Variants in RASSF3 observed in about 807,000 individuals in gnomAD.
The protein encoded by RASSF3 is Ras association domain family member 3.
RASSF3 carries 19 observed loss-of-function variants against 19.9 expected under a neutral mutation model. That is an observed-to-expected ratio of 0.96 (90% CI 0.67 to 1.40). The LOEUF (loss-of-function observed/expected upper bound fraction) is 1.40. RASSF3 is among the 40% of genes most tolerant of loss of function. RASSF3 has a pLI of 0.00. For synonymous variants in RASSF3, 110 were observed against 104.2 expected, an observed-to-expected ratio of 1.06 and a Z score of -0.34; for missense variants, 306 against 289.8, an observed-to-expected ratio of 1.06 and a Z score of -0.41.
chr12:64,645,641 C>G (rs1201504049), intron 1 of RASSF3, among the ~76,000 whole-genome samples: 3 of 151,790 alleles, frequency 2.0e-5, no homozygotes, highest in Non-Finnish European at 4.4e-5. Flanking sequence ...TCTTCCCATC[C>G]TTACCAAAAA....
chr12:64,617,426 T>G (rs572412411), intron 1 of RASSF3, among the ~76,000 whole-genome samples: 1 of 152,362 alleles, frequency 6.6e-6, no homozygotes, highest in African/African-American at 2.4e-5. Context: ...TTTAAAAAGC[T>G]TACCCAATAG....
chr12:64,688,729 G>A (rs367591850), intron 3 of RASSF3, among the ~76,000 whole-genome samples: 3 of 152,084 alleles, frequency 2.0e-5, no homozygotes, highest in Non-Finnish European at 4.4e-5. Flanking sequence ...TGGGGCGGGG[G>A]CTGTTTTTGG....
Position 64,610,750 on chromosome 12 carries a change from G to T in RASSF3, c.111+7G>T, listed in dbSNP as rs1870322684. The T allele has an allele frequency of 1.3e-6, 2 of 1,567,424 alleles. No individual in the cohort carries two copies. The highest frequency in any genetic ancestry group is 4.9e-5 in the East Asian group (2 of 40,840). On this transcript the variant is annotated splice_region_variant and intron_variant, in intron 1 of 4. Transcript: ENST00000542104. ...GCCCCGCTCCGGCCAACAAGTGAGTGGCGCGCGGCGGGCGCTGCAGCCCGC... is the reference window on the plus strand; with the variant it reads ...GCCCCGCTCCGGCCAACAAGTGAGTTGCGCGCGGCGGGCGCTGCAGCCCGC...
chr12:64,602,985 G>A (rs1214932407), intron 2 of RASSF3, among the ~76,000 whole-genome samples: 1 of 152,108 alleles, frequency 6.6e-6, no homozygotes, highest in Non-Finnish European at 1.5e-5. Flanking sequence ...TGTAATCCCA[G>A]CTACTTGGGA....
At chr12:64,663,377 T>A (rs12314167) in intron 1 of RASSF3, among the ~76,000 whole-genome samples, 7,743 of 152,168 alleles carry the variant, frequency 0.051, 679 homozygotes, top group African/African-American at 0.18. Flanking sequence ...TGGTGCATGC[T>A]AATTGATGGG....
intron 1 of RASSF3, among the ~76,000 whole-genome samples, 185 bp downstream of exon 1, chr12:64,610,928 G>A (rs1454162233): frequency 2.6e-5 from 4 of 152,176 alleles, no homozygotes; most frequent in Non-Finnish European, 4.4e-5. Context: ...GCTTGTGCGT[G>A]TAGGCGAGGG....
chr12:64,607,692 T>A (rs1286334691), upstream of RASSF3, among the ~76,000 whole-genome samples: 3 of 152,060 alleles, frequency 2.0e-5, no homozygotes, highest in Non-Finnish European at 2.9e-5. Flanking sequence ...TTATTTATGT[T>A]TTTTTTGTTG....
intron 2 of RASSF3, among the ~76,000 whole-genome samples, chr12:64,578,259 G>C (rs1360892702): frequency 6.6e-6 from 1 of 151,932 alleles, no homozygotes; most frequent in Non-Finnish European, 1.5e-5. Context: ...ATTTACTGAG[G>C]GTTTACAATG....
In RASSF3 at chr12:64,696,374, A is replaced by G. The variant is rs201962598; in HGVS notation, c.*1462A>G. The G allele has an allele frequency of 2.6e-5, 4 of 152,310 alleles. No individual in the cohort carries two copies. The East Asian group carries it at 7.7e-4, about 29-fold the overall frequency. The allele number at this position is 152,310 out of a possible 1,614,324, so 9.4% of individuals were successfully genotyped here. A position where few individuals can be genotyped will look rare whatever the true frequency, so the allele number is the denominator to read the frequency against. Reference sequence around the variant, plus strand: ...TTACCAACCAAAGAGATGCATGTGCAATAGAAGCCTTCCTTAAAAACAGGC... The same window carrying G: ...TTACCAACCAAAGAGATGCATGTGCGATAGAAGCCTTCCTTAAAAACAGGC... On this transcript the variant is annotated 3_prime_UTR_variant, in exon 5 of 5. Coordinates refer to ENST00000542104, the MANE Select transcript of RASSF3 (RefSeq NM_178169.4).
rs549960241 is a variant in RASSF3 at position 64,603,843 on chromosome 12, C to CT, written c.294+62148dup. Among the ~76,000 whole-genome samples the CT allele has an allele frequency of 2.1e-4, 31 of 149,328 alleles. No individual in the cohort carries two copies. The South Asian group carries it at 2.1e-3, about 10-fold the overall frequency. On this transcript the variant is annotated intron_variant, in intron 2 of 5. Coordinates refer to the RASSF3 transcript ENST00000637125. ...ATTTGAACACAGGCAGTCTGATTTC[C>CT]TTTTTTTTTTCTTTTTCTTTTTTGA... is the stretch of plus-strand genomic sequence containing the variant.
chr12:64,626,488 CAAA>C (rs36122537), intron 1 of RASSF3, among the ~76,000 whole-genome samples: 3 of 76,834 alleles, frequency 3.9e-5, no homozygotes, highest in Non-Finnish European at 5.5e-5. Context: ...ACTCTTGTCT[CAAA>C]AAAAAAAAAA....
intron 1 of RASSF3, among the ~76,000 whole-genome samples, chr12:64,634,000 G>A (rs1187792675): frequency 6.6e-6 from 1 of 152,152 alleles, no homozygotes; most frequent in Non-Finnish European, 1.5e-5. Context: ...TGGGCATGGT[G>A]ACATGTCCCT....
chr12:64,570,101 G>A (rs1309480393), intron 2 of RASSF3, among the ~76,000 whole-genome samples: 5 of 152,090 alleles, frequency 3.3e-5, no homozygotes, highest in Non-Finnish European at 7.4e-5. Context: ...TCTACCTTCC[G>A]CCTTGGCTGT....
chr12:64,546,023 G>C (rs1202007370), downstream of RASSF3, among the ~76,000 whole-genome samples: 1 of 150,166 alleles, frequency 6.7e-6, no homozygotes, highest in Non-Finnish European at 1.5e-5. Context: ...GTGAACCAGG[G>C]AGGCGAAGCT....
chr12:64,600,547 A>C (rs1870074657), intron 2 of RASSF3, among the ~76,000 whole-genome samples: 1 of 152,176 alleles, frequency 6.6e-6, no homozygotes, highest in Non-Finnish European at 1.5e-5. Context: ...AAAAGATCCA[A>C]ATGTTGAAGT....
At chr12:64,666,640 G>A (rs1227782409) in intron 1 of RASSF3, among the ~76,000 whole-genome samples, 1 of 152,120 alleles carries the variant, frequency 6.6e-6, no homozygotes, top group African/African-American at 2.4e-5. Context: ...ACTTTACAAA[G>A]CAGTTTCCAG....
At chr12:64,689,937 C>T (rs1391283911) in intron 3 of RASSF3, among the ~76,000 whole-genome samples, 1 of 150,716 alleles carries the variant, frequency 6.6e-6, no homozygotes, top group Non-Finnish European at 1.5e-5. Flanking sequence ...TACAGGCGCC[C>T]GCCACCACGT....
upstream of RASSF3, among the ~76,000 whole-genome samples, chr12:64,606,998 G>C (rs577663805): frequency 1.3e-5 from 2 of 152,168 alleles, no homozygotes; most frequent in East Asian, 3.9e-4. Flanking sequence ...ATGCTACCAG[G>C]CTAGGCATGG....
intron 1 of RASSF3, among the ~76,000 whole-genome samples, chr12:64,618,733 C>T (rs963341383): frequency 1.3e-5 from 2 of 151,950 alleles, no homozygotes; most frequent in Non-Finnish European, 2.9e-5. Context: ...TATGTAAAAA[C>T]TTAAGTAACA....
Sources: gnomAD v4.1 joint callset for allele counts (sites outside exome capture counted in the v4.1 genomes callset) on GRCh38, gnomAD v4.1.1 for gene constraint, MANE v1.5 for transcripts, NCBI Gene and HGNC (gene_info 2026-07-23, HGNC 2026-07-21) for gene names.